The following IMPG1 variants were observed in gnomAD, a reference collection of about 807,000 sequenced individuals.
IMPG1 encodes the protein interphotoreceptor matrix proteoglycan of 150 kDa.
IMPG1 carries 85 observed loss-of-function variants against 92.0 expected under a neutral mutation model. The observed-to-expected ratio is 0.92, with a 90% CI of 0.78 to 1.11. IMPG1 has a LOEUF of 1.11. IMPG1 is among the 50% of genes least tolerant of loss of function. IMPG1 has a pLI of 0.00. For synonymous variants in IMPG1, 367 were observed against 334.1 expected (o/e 1.10, Z -1.08); for missense variants, 1,022 against 956.0 (o/e 1.07, Z -0.91).
rs1582062207 is a variant in IMPG1, at chr6:75,950,826, A to T, written c.1560T>A (p.Asp520Glu). ...CAGGAGTGTCAGACAGATCCATTTC[A>T]TCTAGGTGTCTGACCATATCTTCGC... ...AGGEDMVRHLDEMDLSDTPAP... is the reference protein window; with the variant it reads ...AGGEDMVRHLEEMDLSDTPAP... The change falls in exon 13 of 17, where the codon GAT (aspartate) becomes GAA (glutamate). Residue 520 changes from aspartate (D) to glutamate (E), a missense_variant. By Grantham distance (45) the Asp-to-Glu change is conservative. Transcript: ENST00000369950. 1 of 1,613,964 alleles carries T rather than the reference A, an allele frequency of 6.2e-7. No individual in the cohort carries two copies. Among genetic ancestry groups the T allele is most frequent in the East Asian group, 2.2e-5 (1 of 44,884 alleles).
At chr6:76,015,691 T>G (rs1783273248) in intron 7 of IMPG1, among the ~76,000 whole-genome samples, 1 of 149,868 alleles carries the variant, frequency 6.7e-6, no homozygotes, top group Non-Finnish European at 1.5e-5. Context: ...TTTCAACTAC[T>G]TGGGAGGCTG....
Position 75,944,848 on chromosome 6 carries a change from T to C in IMPG1, c.2044+2466A>G, listed in dbSNP as rs1483231376. The stretch of plus-strand genomic sequence containing the variant: ...TATTTGAGTTGGTGCAGGCTCAGGG[T>C]TGAACTACCTCTGGAAAGCAAGCAA... On this transcript the variant is annotated intron_variant, in intron 14 of 16. Coordinates refer to ENST00000369950, the MANE Select transcript of IMPG1 (RefSeq NM_001563.4). Among the ~76,000 whole-genome samples the C allele has an allele frequency of 3.3e-5, 5 of 152,234 alleles. No individual in the cohort carries two copies. In the East Asian group the frequency reaches 7.7e-4, roughly 23 times the overall value.
chr6:76,002,839 G>T, intron 12 of IMPG1, 79 bp downstream of exon 12: 1 of 1,103,548 alleles, frequency 9.1e-7, no homozygotes, highest in Non-Finnish European at 1.4e-6. Flanking sequence ...TTTGTCACTG[G>T]TCTTTGAGGC....
At chr6:75,930,657 C>T (rs780130152) in intron 15 of IMPG1, among the ~76,000 whole-genome samples, 14 of 152,108 alleles carry the variant, frequency 9.2e-5, no homozygotes, top group South Asian at 2.1e-4. Flanking sequence ...TCTTCCTTCC[C>T]TATTGGTCTT....
chr6:75,976,596 A>T (rs563405549), intron 12 of IMPG1, among the ~76,000 whole-genome samples: 2 of 151,634 alleles, frequency 1.3e-5, no homozygotes, highest in East Asian at 3.9e-4. Flanking sequence ...AAAGGCTGAG[A>T]GATTCTTTGT....
At chr6:75,961,596 T>C (rs1782213423) in intron 12 of IMPG1, among the ~76,000 whole-genome samples, 1 of 152,240 alleles carries the variant, frequency 6.6e-6, no homozygotes, top group Non-Finnish European at 1.5e-5. Context: ...ATAAGTGCTA[T>C]GGAAATAAAA....
intron 14 of IMPG1, among the ~76,000 whole-genome samples, chr6:75,946,544 A>G (rs1452968081): frequency 6.6e-6 from 1 of 152,236 alleles, no homozygotes; most frequent in East Asian, 1.9e-4. Context: ...AATTGGTTAG[A>G]AAACAGAATT....
intron 12 of IMPG1, among the ~76,000 whole-genome samples, chr6:75,983,938 C>A (rs1031871462): frequency 5.3e-5 from 8 of 151,974 alleles, no homozygotes; most frequent in Non-Finnish European, 1.2e-4. Flanking sequence ...AAAGAAGACA[C>A]CCAAATGGCC....
At chr6:76,006,818 T>A (rs548933275) in intron 9 of IMPG1, among the ~76,000 whole-genome samples, 1 of 152,132 alleles carries the variant, frequency 6.6e-6, no homozygotes, top group Non-Finnish European at 1.5e-5. Flanking sequence ...GAAACAGGAT[T>A]CTCTATGTCT....
chr6:75,947,028 C>T (rs1442175960), intron 14 of IMPG1, among the ~76,000 whole-genome samples: 2 of 152,128 alleles, frequency 1.3e-5, no homozygotes, highest in Admixed American at 6.6e-5. Flanking sequence ...AACTCTTAAA[C>T]ACAGCAAAAG....
At chr6:75,964,135 G>A (rs1782260474) in intron 12 of IMPG1, among the ~76,000 whole-genome samples, 1 of 152,138 alleles carries the variant, frequency 6.6e-6, no homozygotes, top group Admixed American at 6.5e-5. Context: ...GCTCCGTAAG[G>A]ACCTAAGAAT....
At chr6:75,935,365 A>G (rs1422032908) in intron 14 of IMPG1, among the ~76,000 whole-genome samples, 1 of 152,270 alleles carries the variant, frequency 6.6e-6, no homozygotes, top group Non-Finnish European at 1.5e-5. Context: ...TCAAAAAGGC[A>G]GAGCTAAGAC....
At chr6:76,052,964 G>A (rs1255656232) in intron 1 of IMPG1, among the ~76,000 whole-genome samples, 1 of 152,092 alleles carries the variant, frequency 6.6e-6, no homozygotes, top group Admixed American at 6.6e-5. Flanking sequence ...AAATAAACCA[G>A]TCCTTTCTCC....
chr6:76,048,892 T>C (rs1176061430), intron 1 of IMPG1, among the ~76,000 whole-genome samples: 1 of 152,202 alleles, frequency 6.6e-6, no homozygotes, highest in East Asian at 1.9e-4. Context: ...TAAAGGCACA[T>C]GCATGCGTAT....
At chr6:75,951,171 T>A in intron 12 of IMPG1, 77 bp from the exon 13 acceptor site, 1 of 1,104,988 alleles carries the variant, frequency 9.0e-7, no homozygotes, top group Non-Finnish European at 1.3e-6. Flanking sequence ...AATCCAAAAT[T>A]AAGCTTAACT....
intron 12 of IMPG1, among the ~76,000 whole-genome samples, chr6:75,989,444 T>C (rs1014573365): frequency 6.6e-6 from 1 of 152,202 alleles, no homozygotes; most frequent in South Asian, 2.1e-4. Flanking sequence ...ACAAAATTAT[T>C]GCAAACTCTC....
Position 75,947,388 on chromosome 6 carries a change from A to G in IMPG1, c.1970T>C (p.Leu657Ser). 1 of 1,614,012 alleles carries G rather than the reference A, an allele frequency of 6.2e-7. No homozygotes were observed. The highest frequency in any genetic ancestry group is 8.5e-7 in the Non-Finnish European group (1 of 1,179,928). The change falls in exon 14 of 17, where the codon TTG (leucine) becomes TCG (serine). Residue 657 changes from leucine (L) to serine (S), a missense_variant. Transcript: ENST00000369950. ...GGCTGCAGCAGAACGAAAATCCTCC[A>G]AGACCCCGTGCACAGCCTTGGTGAG... is the stretch of plus-strand genomic sequence containing the variant. ...YNLTKAVHGVLEDFRSAAAQQ... is the reference protein window; with the variant it reads ...YNLTKAVHGVSEDFRSAAAQQ...
At chr6:75,942,263 C>T (rs1182153337) in intron 14 of IMPG1, among the ~76,000 whole-genome samples, 2 of 152,132 alleles carry the variant, frequency 1.3e-5, no homozygotes, top group African/African-American at 4.8e-5. Context: ...AAGATTTCTC[C>T]CTTTTAATTC....
intron 10 of IMPG1, among the ~76,000 whole-genome samples, chr6:76,004,305 T>C (rs1783052252): frequency 6.6e-6 from 1 of 152,128 alleles, no homozygotes; most frequent in Non-Finnish European, 1.5e-5. Flanking sequence ...CTAGAATAAA[T>C]ACTGGAACCA....
Sources: allele counts gnomAD v4.1 joint callset (sites outside exome capture counted in the v4.1 genomes callset), GRCh38; gene constraint gnomAD v4.1.1; transcripts MANE v1.5; gene names NCBI Gene and HGNC (gene_info 2026-07-23, HGNC 2026-07-21).